Variants in ANKRD46 observed in about 807,000 individuals in gnomAD.
The protein encoded by ANKRD46 is ankyrin repeat domain-containing protein 46.
In ANKRD46, 13 loss-of-function variants were observed where a neutral mutation model predicts 19.8. The observed-to-expected ratio is 0.66, with a 90% CI of 0.43 to 1.04. The LOEUF is 1.04. Among genes scored for constraint, ANKRD46 ranks in the 50% least tolerant of loss-of-function variants. The probability of loss-of-function intolerance (pLI) is 0.00; values close to 1 mark genes in which losing one functional copy is unlikely to be tolerated. For missense variants in ANKRD46, 185 were observed against 274.8 expected (o/e 0.67, Z 2.31); for synonymous variants, 91 against 106.9 (o/e 0.85, Z 0.92).
rs16898566 is a variant in ANKRD46, at chr8:100,550,710, G to A, written c.-131+9001C>T. 1,547 of 341,982 alleles carry A rather than the reference G, an allele frequency of 4.5e-3. 25 individuals are homozygous for A. The highest frequency in any genetic ancestry group is 0.026 in the African/African-American group (1,187 of 46,358). The allele number at this position is 341,982 out of a possible 1,614,324, so 21.2% of individuals were successfully genotyped here. On this transcript the variant is annotated intron_variant, in intron 1 of 4. Transcript: ENST00000335659. This position sits in a 1 kb window ranked among gnomAD's most constrained non-coding sequence, Gnocchi z 4.4. ...TCCTCTTGTGCTCTCACTGGGGCTG[G>A]TTGTCGAGCAGTCTTACTCCTTGGA...
At chr8:100,513,738 T>A (rs1409208663) in intron 5 of ANKRD46, among the ~76,000 whole-genome samples, 2 of 152,244 alleles carry the variant, frequency 1.3e-5, no homozygotes, top group Non-Finnish European at 2.9e-5. Flanking sequence ...TAAGTTATAG[T>A]GTAAGAATGC....
At chr8:100,553,269 A>G (rs1351812448) in intron 1 of ANKRD46, among the ~76,000 whole-genome samples, 1 of 152,266 alleles carries the variant, frequency 6.6e-6, no homozygotes, top group Non-Finnish European at 1.5e-5. Context: ...CAGCATTAAC[A>G]GCCAATGGGC....
chr8:100,515,051 C>T (rs1236853821), intron 5 of ANKRD46, among the ~76,000 whole-genome samples: 1 of 152,142 alleles, frequency 6.6e-6, no homozygotes, highest in Non-Finnish European at 1.5e-5. Context: ...ACCTTGAAGA[C>T]ATCTCTGGCA....
At chr8:100,556,489 CTT>C (rs1790566246) in intron 1 of ANKRD46, 1 of 152,150 alleles carries the variant, frequency 6.6e-6, no homozygotes, top group Non-Finnish European at 1.5e-5. Flanking sequence ...TAATCAGTAG[CTT>C]AAGCTGGAAA....
chr8:100,517,453 A>G (rs554671067), downstream of ANKRD46, among the ~76,000 whole-genome samples: 5 of 152,356 alleles, frequency 3.3e-5, no homozygotes, highest in South Asian at 4.1e-4. Flanking sequence ...ATATTCTCTA[A>G]ATACTGTTAT....
chr8:100,541,776 C>A (rs1160163226), intron 1 of ANKRD46, among the ~76,000 whole-genome samples: 5 of 152,166 alleles, frequency 3.3e-5, no homozygotes, highest in Non-Finnish European at 5.9e-5. Flanking sequence ...ACATTTTGGT[C>A]AACGACGGAC....
Position 100,529,244 on chromosome 8 carries a change from A to G in ANKRD46, c.311+279T>C, listed in dbSNP as rs1465308432. ...CAGTCTAGCTCATAGATTTTCAACA[A>G]ATGTTCTTTTCTTCTTCTTCCCTTG... On this transcript the variant is annotated intron_variant, in intron 3 of 4. Transcript: ENST00000335659. This position sits in a 1 kb window ranked among gnomAD's most constrained non-coding sequence, Gnocchi z 5.8. Among the ~76,000 whole-genome samples, 1 of 152,192 alleles carries G rather than the reference A, an allele frequency of 6.6e-6. No homozygotes were observed. The highest frequency in any genetic ancestry group is 2.4e-5 in the African/African-American group (1 of 41,428).
Position 100,528,005 on chromosome 8 carries a change from T to TTAAAA in ANKRD46, c.312-3_312-2insTTTTA. ...AAAGGGGTAGCACCTTGATGATTGC[T>TTAAAA]AAAAAAAAAAAAAAAAAAAAAAGTT... On this transcript the variant is annotated splice_region_variant and splice_polypyrimidine_tract_variant and intron_variant, in intron 3 of 4. Transcript: ENST00000335659. 1 of 1,164,222 alleles carries TTAAAA rather than the reference T, an allele frequency of 8.6e-7. No homozygotes were observed. Among genetic ancestry groups the TTAAAA allele is most frequent in the African/African-American group, 2.5e-5 (1 of 40,562 alleles). The allele number at this position is 1,164,222 out of a possible 1,614,324, so 72.1% of individuals were successfully genotyped here. A position where few individuals can be genotyped will look rare whatever the true frequency, so the allele number is the denominator to read the frequency against.
intron 1 of ANKRD46, among the ~76,000 whole-genome samples, chr8:100,542,674 T>G (rs1812197818): frequency 6.6e-6 from 1 of 152,024 alleles, no homozygotes; most frequent in East Asian, 1.9e-4. Flanking sequence ...TGGCTCCAGG[T>G]TCACAAAAGA....
chr8:100,519,304 C>T (rs770021081), downstream of ANKRD46, among the ~76,000 whole-genome samples: 3 of 152,124 alleles, frequency 2.0e-5, no homozygotes, highest in East Asian at 3.9e-4. Flanking sequence ...ACAGGAAAGA[C>T]GGTCTCTTCT....
intron 4 of ANKRD46, 93 bp from the exon 5 acceptor site, chr8:100,522,864 TACACACAC>T (rs199938933): frequency 6.4e-5 from 38 of 594,132 alleles, no homozygotes; most frequent in East Asian, 3.2e-4. Context: ...AAAGACCAAA[TACACACAC>T]ACACACACAC....
rs144900602 is a variant in ANKRD46, at chr8:100,521,508, G to T, written c.*1047C>A. On this transcript the variant is annotated 3_prime_UTR_variant, in exon 5 of 5. Transcript: ENST00000335659. The stretch of plus-strand genomic sequence containing the variant: ...TACATAATATTACCATTCATAAAGA[G>T]TTTATGACACCCAGTACGATACTGT... 5 of 985,354 alleles carry T rather than the reference G, an allele frequency of 5.1e-6. No homozygotes were observed. The African/African-American group carries it at 8.7e-5, about 17-fold the overall frequency. The allele number at this position is 985,354 out of a possible 1,614,324, so 61.0% of individuals were successfully genotyped here.
downstream of ANKRD46, among the ~76,000 whole-genome samples, chr8:100,520,621 T>A (rs1811704694): frequency 6.6e-6 from 1 of 151,314 alleles, no homozygotes; most frequent in African/African-American, 2.4e-5. Flanking sequence ...ACAGTATTTA[T>A]AAGGCAAACA....
chr8:100,538,385 A>C (rs375640549), intron 1 of ANKRD46, among the ~76,000 whole-genome samples: 1 of 152,216 alleles, frequency 6.6e-6, no homozygotes, highest in East Asian at 1.9e-4. Context: ...ATTATTCCCT[A>C]AACAACACAG....
downstream of ANKRD46, among the ~76,000 whole-genome samples, chr8:100,518,574 G>A (rs547612580): frequency 5.9e-5 from 9 of 152,070 alleles, no homozygotes; most frequent in African/African-American, 1.9e-4. Flanking sequence ...ATACCAGGCC[G>A]GGTGGGGTGG....
chr8:100,555,112 T>C (rs1812466734), intron 1 of ANKRD46, among the ~76,000 whole-genome samples: 3 of 151,690 alleles, frequency 2.0e-5, no homozygotes, highest in African/African-American at 7.3e-5. Context: ...TTTACAAACA[T>C]CACAATAGTG....
intron 1 of ANKRD46, chr8:100,551,199 T>C (rs1325403376): frequency 6.7e-6 from 3 of 445,734 alleles, no homozygotes; most frequent in East Asian, 5.0e-5. Context: ...TGGTCACAAG[T>C]CCTTCCACAA....
At chr8:100,542,169 G>A (rs950429523) in intron 1 of ANKRD46, among the ~76,000 whole-genome samples, 1 of 152,134 alleles carries the variant, frequency 6.6e-6, no homozygotes, top group African/African-American at 2.4e-5. Context: ...TGCTGTGTGT[G>A]AAGCTATGCA....
At chr8:100,535,717 G>C (rs1171979506) in intron 1 of ANKRD46, among the ~76,000 whole-genome samples, 1 of 152,086 alleles carries the variant, frequency 6.6e-6, no homozygotes, top group African/African-American at 2.4e-5. Context: ...ATTCATCCAG[G>C]GTAGCTGTGT....
Sources: gnomAD v4.1 joint callset for allele counts (sites outside exome capture counted in the v4.1 genomes callset) on GRCh38, gnomAD v4.1.1 for gene constraint, Gnocchi (gnomAD v3.1) non-coding constraint, MANE v1.5 for transcripts, NCBI Gene and HGNC (gene_info 2026-07-23, HGNC 2026-07-21) for gene names.